The following CDC25C variants were observed in gnomAD, a reference collection of about 807,000 sequenced individuals.
CDC25C encodes the protein M-phase inducer phosphatase 3.
Under a neutral mutation model 52.5 loss-of-function variants are expected in CDC25C, and 48 were observed. The ratio of observed to expected loss-of-function variants is 0.91; its 90% CI spans 0.72 to 1.16. The LOEUF (loss-of-function observed/expected upper bound fraction) is 1.16. CDC25C is among the 50% of genes most tolerant of loss of function. The pLI, the probability that CDC25C is intolerant of heterozygous loss-of-function variation, is 0.00. For missense variants in CDC25C, 510 were observed against 566.1 expected (o/e 0.90, Z 1.01); for synonymous variants, 187 against 206.5 (o/e 0.91, Z 0.81).
chr5:138,321,022 G>C (rs1479523686), intron 6 of CDC25C, among the ~76,000 whole-genome samples: 1 of 151,702 alleles, frequency 6.6e-6, no homozygotes, highest in African/African-American at 2.4e-5. Context: ...CAGAGCCCGG[G>C]AGTTTGAGGC....
chr5:138,331,644 G>C lies in CDC25C; in HGVS notation c.-88C>G. On this transcript the variant is annotated 5_prime_UTR_variant, in exon 1 of 14. Transcript: ENST00000323760. Reference sequence around the variant, plus strand: ...CCTACAAGAGGAGAGAAAGTAGATAGGGATCGGACACAGGCGAAGACTTGA... The same window carrying C: ...CCTACAAGAGGAGAGAAAGTAGATACGGATCGGACACAGGCGAAGACTTGA... 2 of 1,003,432 alleles carry C rather than the reference G, an allele frequency of 2.0e-6. No individual in the cohort carries two copies. Among genetic ancestry groups the C allele is most frequent in the Non-Finnish European group, 2.4e-6 (2 of 839,902 alleles). 62.2% of individuals were successfully genotyped at this position (1,003,432 alleles called of 1,614,324 possible). A position where few individuals can be genotyped will look rare whatever the true frequency, so the allele number is the denominator to read the frequency against.
At chr5:138,331,243 C>T (rs1363519782) in intron 1 of CDC25C, 25 bp from the exon 2 acceptor site, 1 of 1,458,304 alleles carries the variant, frequency 6.9e-7, no homozygotes, top group African/African-American at 1.4e-5. Flanking sequence ...TCATCTAAAT[C>T]GGTACATCAC....
rs112074225 is a variant in CDC25C, at chr5:138,291,541, C to T, written c.762+429G>A. ...TCAAGCGATTCTCCTGCCTCAGCCT[C>T]CTGAGTAGCCGGGACTACAGGCACA... On this transcript the variant is annotated intron_variant, in intron 8 of 13. Transcript: ENST00000323760. Among the ~76,000 whole-genome samples the T allele has an allele frequency of 6.6e-5, 10 of 151,838 alleles. 1 individual carries two copies. Among genetic ancestry groups the T allele is most frequent in the African/African-American group, 2.4e-4 (10 of 41,408 alleles).
At chr5:138,333,562 G>C (rs549123545), upstream of CDC25C, 2 of 152,368 alleles carry the variant, frequency 1.3e-5, no homozygotes, top group South Asian at 4.1e-4. Context: ...GATTAAGGGA[G>C]TGTGGGATGA....
At position 138,326,027 on chromosome 5, in the gene CDC25C, A is replaced by G. The variant is rs1304218630; in HGVS notation, c.363T>C (p.Cys121=). The G allele has an allele frequency of 6.8e-6, 11 of 1,614,130 alleles. No homozygotes were observed. The Admixed American group carries it at 1.5e-4, about 22-fold the overall frequency. Reference sequence around the variant, plus strand: ...AAAAAGAGAGGCTACTCACTGGGCTACATTTCATTAGGTGCTGGTCATGAT... The same window carrying G: ...AAAAAGAGAGGCTACTCACTGGGCTGCATTTCATTAGGTGCTGGTCATGAT... The part of the protein sequence containing the change: ...GMNHDQHLMK[C]SPAQLLCSTP... The change falls in exon 5 of 14, where the codon TGT becomes TGC. Residue 121 remains cysteine (C), a synonymous_variant. Coordinates refer to ENST00000323760, the MANE Select transcript of CDC25C (RefSeq NM_001790.5).
chr5:138,289,502 G>A lies in CDC25C; in HGVS notation c.926C>T (p.Thr309Ile). The A allele has an allele frequency of 1.2e-6, 2 of 1,611,174 alleles. No homozygotes were observed. Among genetic ancestry groups the A allele is most frequent in the African/African-American group, 1.3e-5 (1 of 74,986 alleles). The change falls in exon 10 of 14, where the codon ACA (threonine) becomes ATA (isoleucine). Residue 309 changes from threonine (T) to isoleucine (I), a missense_variant and splice_region_variant. Physicochemically the swap from Thr to Ile is moderately conservative, Grantham distance 89. Transcript: ENST00000323760. ...HQDLKYVNPE[T>I]VAALLSGKFQ... ...TACCATCTCCAGAAATCTGCTTACT[G>A]TTTCTGGGTTGACATACTTCAGATC...
chr5:138,329,496 G>T, intron 3 of CDC25C, 57 bp downstream of exon 3: 1 of 1,106,006 alleles, frequency 9.0e-7, no homozygotes, highest in Non-Finnish European at 1.4e-6. Flanking sequence ...CTCCTTCCCT[G>T]TTTTCTCCCT....
intron 7 of CDC25C, among the ~76,000 whole-genome samples, chr5:138,313,379 CA>C (rs774904685): frequency 0.021 from 791 of 37,056 alleles, 5 homozygotes; most frequent in African/African-American, 0.04. Flanking sequence ...CTATATCTCA[CA>C]AAAAAAAAAA....
At chr5:138,321,436 A>G (rs1759376591) in intron 6 of CDC25C, among the ~76,000 whole-genome samples, 1 of 152,068 alleles carries the variant, frequency 6.6e-6, no homozygotes. Flanking sequence ...TCCATCCTAG[A>G]AACCAAAAAC....
At chr5:138,299,606 G>T (rs916083218) in intron 7 of CDC25C, among the ~76,000 whole-genome samples, 18 of 151,600 alleles carry the variant, frequency 1.2e-4, no homozygotes, top group Admixed American at 2.0e-4. Flanking sequence ...ACTTTGAGAT[G>T]AATGAAAACT....
intron 7 of CDC25C, among the ~76,000 whole-genome samples, chr5:138,304,377 G>A (rs890467424): frequency 7.1e-6 from 1 of 141,810 alleles, no homozygotes; most frequent in African/African-American, 2.7e-5. Flanking sequence ...TGCTGAGGCA[G>A]GCAGACAAAA....
intron 7 of CDC25C, among the ~76,000 whole-genome samples, chr5:138,317,251 A>C (rs1001569250): frequency 1.3e-5 from 2 of 151,984 alleles, no homozygotes; most frequent in Admixed American, 6.6e-5. Context: ...TTAAATAATT[A>C]AAAAAAATAA....
chr5:138,288,030 T>C (rs1363860509), intron 10 of CDC25C, among the ~76,000 whole-genome samples: 1 of 152,200 alleles, frequency 6.6e-6, no homozygotes, highest in Non-Finnish European at 1.5e-5. Flanking sequence ...AAGATGTCTA[T>C]AATGTCTCAC....
intron 7 of CDC25C, among the ~76,000 whole-genome samples, chr5:138,316,366 G>A (rs1026983748): frequency 2.6e-5 from 4 of 152,184 alleles, no homozygotes; most frequent in Admixed American, 2.6e-4. Flanking sequence ...ATTTGGGCAC[G>A]GAGAAGCAAA....
intron 7 of CDC25C, among the ~76,000 whole-genome samples, chr5:138,316,833 C>A (rs1758912635): frequency 6.6e-6 from 1 of 152,146 alleles, no homozygotes; most frequent in Non-Finnish European, 1.5e-5. Flanking sequence ...AGACAAACTG[C>A]CTACAGAGAG....
At chr5:138,288,209 G>T (rs992184017) in intron 10 of CDC25C, among the ~76,000 whole-genome samples, 2 of 152,028 alleles carry the variant, frequency 1.3e-5, no homozygotes, top group Non-Finnish European at 2.9e-5. Context: ...CCGAGTAGCT[G>T]GGATTACAGG....
chr5:138,309,223 TAAAA>T (rs34521148), intron 7 of CDC25C, among the ~76,000 whole-genome samples: 23 of 143,584 alleles, frequency 1.6e-4, no homozygotes, highest in South Asian at 1.5e-3. Flanking sequence ...AAACTGGTAT[TAAAA>T]AAAAAAAAAA....
Position 138,331,610 on chromosome 5 carries a change from T to C in CDC25C, c.-54A>G. 9.8e-7 allele frequency: 1 copy of C among 1,015,828 alleles called. No individual in the cohort carries two copies. The highest frequency in any genetic ancestry group is 1.2e-6 in the Non-Finnish European group (1 of 847,298). The allele number at this position is 1,015,828 out of a possible 1,614,324, so 62.9% of individuals were successfully genotyped here. ...GCGGACTTACCTCAAGCCTGGAGTCTGAGGCTTGCCTACAAGAGGAGAGAA... is the reference window on the plus strand; with the variant it reads ...GCGGACTTACCTCAAGCCTGGAGTCCGAGGCTTGCCTACAAGAGGAGAGAA... On this transcript the variant is annotated 5_prime_UTR_variant, in exon 1 of 14. Coordinates refer to ENST00000323760, the MANE Select transcript of CDC25C (RefSeq NM_001790.5).
Position 138,292,063 on chromosome 5 carries a change from C to A in CDC25C, c.669G>T (p.Arg223Ser). Residue 223 changes from arginine (R) to serine (S), a missense_variant, in exon 8 of 14, where the codon AGG becomes AGT. Physicochemically the swap from Arg to Ser is moderately radical, Grantham distance 110. Transcript: ENST00000323760. ...RSPSMPENLN[R>S]PRLKQVEKFK... is the part of the protein sequence containing the mutation. ...ATTTTTCCACCTGCTTCAGTCTTGG[C>A]CTGTTCAAGTTCTCTGGCATCGACG... 1 of 1,613,298 alleles carries A rather than the reference C, an allele frequency of 6.2e-7. No homozygotes were observed. The highest frequency in any genetic ancestry group is 1.1e-5 in the South Asian group (1 of 90,926).
Sources: gnomAD v4.1 joint callset for allele counts (sites outside exome capture counted in the v4.1 genomes callset) on GRCh38, gnomAD v4.1.1 for gene constraint, MANE v1.5 for transcripts, NCBI Gene and HGNC (gene_info 2026-07-23, HGNC 2026-07-21) for gene names.